PCDH15: variants seen among roughly 807,000 people sequenced by gnomAD.
PCDH15 encodes the protein protocadherin related 15, also known as protocadherin-15.
A neutral mutation model predicts 178.5 loss-of-function variants in PCDH15; 129 were observed. The ratio of observed to expected loss-of-function variants is 0.72; its 90% CI spans 0.63 to 0.84. The LOEUF is 0.84. PCDH15 is among the 40% of genes least tolerant of loss of function. The probability of loss-of-function intolerance (pLI) is 0.00; values close to 1 mark genes in which losing one functional copy is unlikely to be tolerated. For synonymous variants in PCDH15, 800 were observed against 732.0 expected, an observed-to-expected ratio of 1.09 and a Z score of -1.50; for missense variants, 2,230 against 2,099.9, an observed-to-expected ratio of 1.06 and a Z score of -1.21.
At chr10:54,511,395 C>T (rs1272290950) in intron 3 of PCDH15, among the ~76,000 whole-genome samples, 1 of 152,056 alleles carries the variant, frequency 6.6e-6, no homozygotes, top group Non-Finnish European at 1.5e-5. Flanking sequence ...CTTTTCCTTC[C>T]CAGCTGCCAG....
At chr10:54,573,027 TG>T (rs761994106) in intron 2 of PCDH15, among the ~76,000 whole-genome samples, 228 of 152,130 alleles carry the variant, frequency 1.5e-3, no homozygotes, top group Admixed American at 5.3e-3. Flanking sequence ...TAGTTGACAA[TG>T]TTTTTATATC....
At chr10:54,667,066 T>TA (rs1390864988) in intron 1 of PCDH15, among the ~76,000 whole-genome samples, 2 of 151,994 alleles carry the variant, frequency 1.3e-5, no homozygotes, top group East Asian at 1.9e-4. Flanking sequence ...ACAAAACTCA[T>TA]AAAAAATCTA....
At chr10:54,783,031 C>A in intron 1 of PCDH15, among the ~76,000 whole-genome samples, 1 of 152,038 alleles carries the variant, frequency 6.6e-6, no homozygotes, top group East Asian at 1.9e-4. Context: ...GAAACTATTC[C>A]ACCAGTTGCA....
At chr10:53,832,457 AC>A (rs1446073711) in intron 29 of PCDH15, among the ~76,000 whole-genome samples, 2 of 151,954 alleles carry the variant, frequency 1.3e-5, no homozygotes, top group African/African-American at 2.4e-5. Context: ...TAAAGGTCAA[AC>A]GTCTTACTAT....
chr10:54,421,822 A>AGTGTGTGTG (rs1554963565), intron 3 of PCDH15, among the ~76,000 whole-genome samples: 1 of 75,478 alleles, frequency 1.3e-5, no homozygotes, highest in African/African-American at 5.8e-5. Flanking sequence ...GTGTGTATAT[A>AGTGTGTGTG]TATATATATA....
At chr10:54,856,089 A>G (rs1953736954) in intron 3 of PCDH15, among the ~76,000 whole-genome samples, 1 of 152,220 alleles carries the variant, frequency 6.6e-6, no homozygotes, top group South Asian at 2.1e-4. Flanking sequence ...ATATGATTGT[A>G]TTTAAATAGT....
intron 3 of PCDH15, among the ~76,000 whole-genome samples, chr10:54,518,712 G>A (rs1033788586): frequency 6.6e-6 from 1 of 152,158 alleles, no homozygotes; most frequent in African/African-American, 2.4e-5. Context: ...CTCATTTTAT[G>A]AGGCCAGCAT....
At chr10:55,478,035 T>G (rs926592129) in intron 2 of PCDH15, among the ~76,000 whole-genome samples, 1 of 151,844 alleles carries the variant, frequency 6.6e-6, no homozygotes, top group Non-Finnish European at 1.5e-5. Flanking sequence ...GGAGTAACTA[T>G]ACTTATATCA....
intron 2 of PCDH15, among the ~76,000 whole-genome samples, chr10:55,150,030 GAT>G (rs1591943956): frequency 1.9e-4 from 28 of 145,046 alleles, no homozygotes; most frequent in Non-Finnish European, 2.3e-4. Context: ...GAGAGAGAGA[GAT>G]AAAGAAGAGA....
intron 1 of PCDH15, among the ~76,000 whole-genome samples, chr10:54,785,047 A>T (rs1466898027): frequency 6.6e-6 from 1 of 151,928 alleles, no homozygotes; most frequent in South Asian, 2.1e-4. Context: ...AGAACGGAAC[A>T]CAGAGTTCAT....
intron 1 of PCDH15, among the ~76,000 whole-genome samples, chr10:54,716,832 A>G (rs1591243467): frequency 6.6e-6 from 1 of 150,398 alleles, no homozygotes; most frequent in East Asian, 1.9e-4. Context: ...ACAAAGCTGG[A>G]GGCATCACGC....
In PCDH15 at chr10:55,228,666, G is replaced by A. The variant is rs1012328304; in HGVS notation, c.-155-62015C>T. 2.0e-5 allele frequency among the ~76,000 whole-genome samples: 3 copies of A among 151,652 alleles called. 1 individual carries two copies. The highest frequency in any genetic ancestry group is 7.3e-5 in the African/African-American group (3 of 41,244). On this transcript the variant is annotated intron_variant, in intron 1 of 5. Transcript: ENST00000458638. ...CTGGGAAACTAAGGGAGCTTGCCAAGGTAAATTACCCTAGCAAATATACAT... is the reference window on the plus strand; with the variant it reads ...CTGGGAAACTAAGGGAGCTTGCCAAAGTAAATTACCCTAGCAAATATACAT...
At chr10:53,858,163 A>T (rs1033611932) in intron 27 of PCDH15, among the ~76,000 whole-genome samples, 1 of 152,184 alleles carries the variant, frequency 6.6e-6, no homozygotes. Flanking sequence ...ACATTTATAC[A>T]CTATTAAAAT....
chr10:54,766,453 T>C (rs534943845), intron 1 of PCDH15, among the ~76,000 whole-genome samples: 1 of 152,060 alleles, frequency 6.6e-6, no homozygotes, highest in Non-Finnish European at 1.5e-5. Context: ...TATTATTAGT[T>C]AATTTATATA....
rs566957259 is a variant in PCDH15, at chr10:55,044,666, T to G, written c.-80+121910A>C. Reference sequence around the variant, plus strand: ...TACAATTTAGAACTTAATTATGTACTATATGTTTATTGCTCACTGTTTTTA... The same window carrying G: ...TACAATTTAGAACTTAATTATGTACGATATGTTTATTGCTCACTGTTTTTA... On this transcript the variant is annotated intron_variant, in intron 2 of 5. Transcript: ENST00000458638. 2.6e-5 allele frequency among the ~76,000 whole-genome samples: 4 copies of G among 152,284 alleles called. No individual in the cohort carries two copies. In the East Asian group the frequency reaches 7.7e-4, roughly 29 times the overall value.
chr10:54,451,554 A>G (rs1442029281), intron 3 of PCDH15, among the ~76,000 whole-genome samples: 1 of 151,952 alleles, frequency 6.6e-6, no homozygotes, highest in Non-Finnish European at 1.5e-5. Context: ...AAATCTGTTA[A>G]GTTGACCTTA....
At chr10:54,508,393 C>A (rs928544542) in intron 3 of PCDH15, among the ~76,000 whole-genome samples, 2 of 152,036 alleles carry the variant, frequency 1.3e-5, no homozygotes, top group Non-Finnish European at 2.9e-5. Context: ...TACTCTACTA[C>A]AGATGCTCTT....
chr10:54,272,839 A>G (rs911686734), intron 8 of PCDH15, among the ~76,000 whole-genome samples: 1 of 152,154 alleles, frequency 6.6e-6, no homozygotes, highest in African/African-American at 2.4e-5. Flanking sequence ...GCATAATTTC[A>G]CTTAGCATTT....
chr10:55,441,946 G>A (rs1302053071), intron 2 of PCDH15, among the ~76,000 whole-genome samples: 1 of 126,718 alleles, frequency 7.9e-6, no homozygotes, highest in African/African-American at 2.7e-5. Context: ...AACACAAAGA[G>A]ATGCGGCCAC....
Sources: gnomAD v4.1 joint callset for allele counts (sites outside exome capture counted in the v4.1 genomes callset) on GRCh38, gnomAD v4.1.1 for gene constraint, MANE v1.5 for transcripts, NCBI Gene and HGNC (gene_info 2026-07-23, HGNC 2026-07-21) for gene names.